NRG3: variants seen among roughly 807,000 people sequenced by gnomAD.
NRG3 encodes the protein pro-neuregulin-3, membrane-bound isoform.
In NRG3, 31 loss-of-function variants were observed where a neutral mutation model predicts 66.9. The ratio of observed to expected loss-of-function variants is 0.46; its 90% CI spans 0.35 to 0.63. The LOEUF (loss-of-function observed/expected upper bound fraction) is 0.63, where lower values mean the gene tolerates loss of function less well. Ranked by LOEUF, NRG3 falls within the 20% of genes least tolerant of loss-of-function variation. NRG3 has a pLI of 0.00. For missense variants in NRG3, 910 were observed against 878.9 expected (o/e 1.04, Z -0.45); for synonymous variants, 393 against 359.4 (o/e 1.09, Z -1.06).
intron 2 of NRG3, among the ~76,000 whole-genome samples, chr10:82,581,983 T>G (rs966350829): frequency 7.2e-5 from 11 of 152,196 alleles, no homozygotes; most frequent in Non-Finnish European, 1.0e-4. Context: ...TTTGTTTGCT[T>G]CTTTATTGAT....
chr10:82,623,285 T>C (rs2049169701), intron 2 of NRG3, among the ~76,000 whole-genome samples: 1 of 152,156 alleles, frequency 6.6e-6, no homozygotes, highest in Admixed American at 6.5e-5. Context: ...CCTGCCAGAA[T>C]TGGTCTCTGA....
At chr10:82,406,460 G>A (rs951644856) in intron 2 of NRG3, among the ~76,000 whole-genome samples, 1 of 152,128 alleles carries the variant, frequency 6.6e-6, no homozygotes, top group Non-Finnish European at 1.5e-5. Context: ...TCCACTGAAA[G>A]TTCATGGAAA....
chr10:82,186,329 G>A (rs2063859543), intron 1 of NRG3, among the ~76,000 whole-genome samples: 1 of 152,138 alleles, frequency 6.6e-6, no homozygotes, highest in South Asian at 2.1e-4. Context: ...GAGAGACAGT[G>A]AACTTTTCCT....
At chr10:82,396,144 C>A (rs1264539239) in intron 2 of NRG3, among the ~76,000 whole-genome samples, 1 of 152,120 alleles carries the variant, frequency 6.6e-6, no homozygotes, top group East Asian at 1.9e-4. Flanking sequence ...ATATCTTATC[C>A]TTTTGAGATT....
intron 6 of NRG3, among the ~76,000 whole-genome samples, chr10:82,959,282 T>G (rs1224714060): frequency 6.6e-6 from 1 of 152,216 alleles, no homozygotes; most frequent in African/African-American, 2.4e-5. Flanking sequence ...TTTCAGCTCT[T>G]GATTACAATC....
chr10:82,408,058 A>AGAGAGAGC (rs1564887742), intron 2 of NRG3, among the ~76,000 whole-genome samples: 7 of 120,620 alleles, frequency 5.8e-5, no homozygotes, highest in Admixed American at 8.7e-5. Flanking sequence ...AGAGAGAGAG[A>AGAGAGAGC]GAGAGAGAGA....
chr10:82,579,053 G>T (rs17100262), intron 2 of NRG3, among the ~76,000 whole-genome samples: 4,413 of 151,832 alleles, frequency 0.029, 213 homozygotes, highest in African/African-American at 0.097. Flanking sequence ...GCTTTACTTT[G>T]ATTGTAACTT....
intron 1 of NRG3, among the ~76,000 whole-genome samples, chr10:82,224,985 T>C (rs1317555340): frequency 6.6e-6 from 1 of 151,936 alleles, no homozygotes; most frequent in African/African-American, 2.4e-5. Context: ...AGTAAAATTA[T>C]TAAATATTAA....
At chr10:82,051,184 A>G (rs1437000974) in intron 1 of NRG3, among the ~76,000 whole-genome samples, 1 of 152,138 alleles carries the variant, frequency 6.6e-6, no homozygotes, top group Non-Finnish European at 1.5e-5. Flanking sequence ...TCCTATTTCA[A>G]AAGCTACAGA....
chr10:82,902,334 G>T (rs932198420), intron 4 of NRG3, among the ~76,000 whole-genome samples: 2 of 152,100 alleles, frequency 1.3e-5, no homozygotes, highest in African/African-American at 4.8e-5. Context: ...TCCATAGAGG[G>T]TTAGTGAATA....
chr10:81,999,864 G>A (rs879190266), intron 1 of NRG3, among the ~76,000 whole-genome samples: 4 of 152,040 alleles, frequency 2.6e-5, no homozygotes, highest in Admixed American at 1.3e-4. Context: ...TGAGACACAG[G>A]GAGTATAAAC....
intron 1 of NRG3, among the ~76,000 whole-genome samples, chr10:82,209,287 A>G (rs1327495325): frequency 6.6e-6 from 1 of 152,154 alleles, no homozygotes; most frequent in Non-Finnish European, 1.5e-5. Flanking sequence ...TACCAAAATC[A>G]AGATTCCTTT....
intron 4 of NRG3, among the ~76,000 whole-genome samples, chr10:82,867,070 G>A (rs891049314): frequency 2.0e-5 from 3 of 152,242 alleles, no homozygotes; most frequent in Non-Finnish European, 2.9e-5. Context: ...ATAGTTAAGG[G>A]TAATGCCAGC....
chr10:82,403,113 G>A (rs2087234738), intron 2 of NRG3, among the ~76,000 whole-genome samples: 1 of 152,082 alleles, frequency 6.6e-6, no homozygotes, highest in African/African-American at 2.4e-5. Flanking sequence ...AACACGTGAA[G>A]ACACAAGGAA....
chr10:82,703,107 T>C (rs576299772), intron 2 of NRG3, among the ~76,000 whole-genome samples: 1 of 152,060 alleles, frequency 6.6e-6, no homozygotes, highest in African/African-American at 2.4e-5. Context: ...TTACTGGCAG[T>C]CTGAGTGGTA....
intron 3 of NRG3, among the ~76,000 whole-genome samples, chr10:82,775,834 C>G (rs2059893002): frequency 6.6e-6 from 1 of 151,994 alleles, no homozygotes; most frequent in Non-Finnish European, 1.5e-5. Flanking sequence ...TAGTGTTACC[C>G]ACTCCCCTAC....
At chr10:82,931,991 G>C (rs1380863037) in intron 4 of NRG3, among the ~76,000 whole-genome samples, 1 of 152,074 alleles carries the variant, frequency 6.6e-6, no homozygotes, top group Non-Finnish European at 1.5e-5. Flanking sequence ...CTGGCCTATA[G>C]GATCATCCCT....
chr10:82,964,439 G>A (rs932773572), intron 6 of NRG3, among the ~76,000 whole-genome samples: 6 of 152,100 alleles, frequency 3.9e-5, no homozygotes, highest in Admixed American at 6.5e-5. Flanking sequence ...AGGAGGTGGC[G>A]TTTTGTGCTG....
intron 2 of NRG3, among the ~76,000 whole-genome samples, chr10:82,550,986 C>A (rs1215879667): frequency 6.6e-6 from 1 of 152,196 alleles, no homozygotes; most frequent in East Asian, 1.9e-4. Context: ...TCCCCTCCCC[C>A]AAAAATTAAA....
Sources: allele counts gnomAD v4.1 joint callset (sites outside exome capture counted in the v4.1 genomes callset), GRCh38; gene constraint gnomAD v4.1.1; transcripts MANE v1.5; gene names NCBI Gene and HGNC (gene_info 2026-07-23, HGNC 2026-07-21).